Variants in PIWIL2 observed in about 807,000 individuals in gnomAD.
The protein encoded by PIWIL2 is piwi-like protein 2.
PIWIL2 carries 81 observed loss-of-function variants against 116.5 expected under a neutral mutation model. The observed-to-expected ratio is 0.70, with a 90% confidence interval of 0.58 to 0.84. The LOEUF (loss-of-function observed/expected upper bound fraction) is 0.84, where lower values mean the gene tolerates loss of function less well. Ranked by LOEUF, PIWIL2 falls within the 40% of genes least tolerant of loss-of-function variation. The probability of loss-of-function intolerance (pLI) is 0.00; values close to 1 mark genes in which losing one functional copy is unlikely to be tolerated. For synonymous variants in PIWIL2, 489 were observed against 429.5 expected (o/e 1.14, Z -1.71); for missense variants, 1,272 against 1,212.3 (o/e 1.05, Z -0.73).
intron 10 of PIWIL2, among the ~76,000 whole-genome samples, chr8:22,301,540 C>T (rs1399084524): frequency 7.2e-5 from 11 of 152,152 alleles, no homozygotes; most frequent in African/African-American, 2.2e-4. Context: ...GTGATCCCCC[C>T]GCCTCAGCCT....
chr8:22,275,542 G>C (rs957663722), intron 1 of PIWIL2, 144 bp downstream of exon 1: 1 of 152,316 alleles, frequency 6.6e-6, no homozygotes, highest in Non-Finnish European at 1.5e-5. Flanking sequence ...GAGGGTTGCG[G>C]GTCGGGCGGG....
In PIWIL2 at chr8:22,318,411, G is replaced by C. The variant is rs141070073; in HGVS notation, c.2403+136G>C. 163 of 554,260 alleles carry C rather than the reference G, an allele frequency of 2.9e-4. 1 individual carries two copies. The highest frequency in any genetic ancestry group is 2.5e-3 in the African/African-American group (130 of 52,126). 34.3% of individuals were successfully genotyped at this position (554,260 alleles called of 1,614,324 possible). On this transcript the variant is annotated intron_variant, in intron 20 of 22. Coordinates refer to ENST00000356766, the MANE Select transcript of PIWIL2 (RefSeq NM_018068.5). ...CTGTTCACTGCAACCTCTGCCTCCT[G>C]GGTTCAAGCGGTTCTCCTGCCTCAG...
At chr8:22,321,756 C>A in intron 20 of PIWIL2, 1 of 363,612 alleles carries the variant, frequency 2.8e-6, no homozygotes. Context: ...CAGAGCTTAT[C>A]CTGACTCAGC....
At chr8:22,279,962 A>G (rs567708878) in intron 2 of PIWIL2, among the ~76,000 whole-genome samples, 3 of 152,318 alleles carry the variant, frequency 2.0e-5, no homozygotes, top group Admixed American at 6.5e-5. Context: ...ATCTCAAACA[A>G]TGACAACAAA....
chr8:22,298,041 G>C (rs1830953272), intron 10 of PIWIL2, among the ~76,000 whole-genome samples: 1 of 152,134 alleles, frequency 6.6e-6, no homozygotes, highest in South Asian at 2.1e-4. Context: ...TGGATTGGTT[G>C]AGCCCAAGAG....
chr8:22,287,727 T>C (rs1440446416), intron 7 of PIWIL2, 82 bp downstream of exon 7: 1 of 890,970 alleles, frequency 1.1e-6, no homozygotes, highest in Admixed American at 1.7e-5. Context: ...TTTTAAGAGA[T>C]TGGGTCTTGC....
At position 22,355,760 on chromosome 8, in the gene PIWIL2, C is replaced by T. The variant is rs1251781491; in HGVS notation, c.*255C>T. 11 of 461,264 alleles carry T rather than the reference C, an allele frequency of 2.4e-5. No homozygotes were observed. The highest frequency in any genetic ancestry group is 3.9e-5 in the East Asian group (1 of 25,480). The allele number at this position is 461,264 out of a possible 1,614,324, so 28.6% of individuals were successfully genotyped here. Reference sequence around the variant, plus strand: ...TGGTACTGCCACTCTGCAGGTGGAGCGGGTGACTCTGGGGGACCATTAAGA... The same window carrying T: ...TGGTACTGCCACTCTGCAGGTGGAGTGGGTGACTCTGGGGGACCATTAAGA... On this transcript the variant is annotated 3_prime_UTR_variant, in exon 23 of 23. Coordinates refer to ENST00000356766, the MANE Select transcript of PIWIL2 (RefSeq NM_018068.5).
chr8:22,278,024 C>T (rs557268971), intron 1 of PIWIL2, among the ~76,000 whole-genome samples: 35 of 151,978 alleles, frequency 2.3e-4, no homozygotes, highest in Non-Finnish European at 1.6e-4. Context: ...CAAAATTAGC[C>T]GAGCATGGTG....
intron 20 of PIWIL2, among the ~76,000 whole-genome samples, chr8:22,332,697 T>C (rs1831889490): frequency 6.6e-6 from 1 of 151,974 alleles, no homozygotes; most frequent in Non-Finnish European, 1.5e-5. Flanking sequence ...TACAAAGCAC[T>C]AAAAGAAAGT....
intron 10 of PIWIL2, among the ~76,000 whole-genome samples, chr8:22,294,644 CAAAAAAAAAAAAAAAA>C (rs897494985): frequency 1.0e-4 from 3 of 29,902 alleles, no homozygotes; most frequent in Non-Finnish European, 1.3e-4. Flanking sequence ...GACTCTGTCT[CAAAAAAAAAAAAAAAA>C]AAAAAAAAGA....
At position 22,320,684 on chromosome 8, in the gene PIWIL2, G is replaced by A. The variant is rs567676802; in HGVS notation, c.2403+2409G>A. Among the ~76,000 whole-genome samples the A allele has an allele frequency of 4.0e-5, 6 of 151,856 alleles. No individual in the cohort carries two copies. The East Asian group carries it at 7.8e-4, about 20-fold the overall frequency. On this transcript the variant is annotated intron_variant, in intron 20 of 22. Coordinates refer to ENST00000356766, the MANE Select transcript of PIWIL2 (RefSeq NM_018068.5). ...GGGCTCACTGCAGCCTCCGCCTCCC[G>A]GGTTCAAGCAATTCTCCTGCCTCAG...
chr8:22,306,553 C>A (rs190141108), intron 13 of PIWIL2, among the ~76,000 whole-genome samples: 1 of 152,218 alleles, frequency 6.6e-6, no homozygotes, highest in African/African-American at 2.4e-5. Context: ...GCACCTAGCA[C>A]CTAGGTGGCG....
At chr8:22,315,170 T>G (rs1477543989) in intron 18 of PIWIL2, 25 bp downstream of exon 18, 1 of 1,268,980 alleles carries the variant, frequency 7.9e-7, no homozygotes, top group Non-Finnish European at 1.2e-6. Flanking sequence ...GATGGTTCAG[T>G]TTGCCTCTCC....
chr8:22,332,984 TTGTC>T (rs1247016261), intron 20 of PIWIL2, among the ~76,000 whole-genome samples: 1 of 151,932 alleles, frequency 6.6e-6, no homozygotes, highest in Admixed American at 6.5e-5. Flanking sequence ...GGCTATATAT[TTGTC>T]TGTGCATATA....
chr8:22,315,853 T>G (rs1313936255), intron 18 of PIWIL2, among the ~76,000 whole-genome samples: 2 of 152,220 alleles, frequency 1.3e-5, no homozygotes, highest in Non-Finnish European at 2.9e-5. Context: ...TTTAGATTTC[T>G]GGGGGTTTGG....
chr8:22,339,492 G>A (rs1016964323), intron 20 of PIWIL2, among the ~76,000 whole-genome samples: 2 of 149,286 alleles, frequency 1.3e-5, no homozygotes, highest in African/African-American at 5.2e-5. Context: ...TGGTGACAGA[G>A]TGAGACTCCA....
At chr8:22,284,383 G>T in intron 6 of PIWIL2, 111 bp downstream of exon 6, 1 of 555,872 alleles carries the variant, frequency 1.8e-6, no homozygotes, top group South Asian at 2.6e-5. Flanking sequence ...ACGTCTCAAT[G>T]CAATAATGTG....
In PIWIL2 at chr8:22,289,935, CT is replaced by C. The variant is rs943510644; in HGVS notation, c.1067+14del. The C allele has an allele frequency of 1.9e-6, 3 of 1,571,408 alleles. No individual in the cohort carries two copies. The highest frequency in any genetic ancestry group is 2.6e-6 in the Non-Finnish European group (3 of 1,141,844). ...GGTACTACAGCAACACAGGTTGGTA[CT>C]TTTTTCCCTTCCCTCACTTTTGAAT... On this transcript the variant is annotated intron_variant, in intron 9 of 22. Coordinates refer to ENST00000356766, the MANE Select transcript of PIWIL2 (RefSeq NM_018068.5).
chr8:22,297,673 TACA>T (rs1405872814), intron 10 of PIWIL2, among the ~76,000 whole-genome samples: 7 of 152,072 alleles, frequency 4.6e-5, no homozygotes, highest in Non-Finnish European at 8.8e-5. Context: ...CAACTCAGAA[TACA>T]ACAAGGAAAA....
Sources: allele counts gnomAD v4.1 joint callset (sites outside exome capture counted in the v4.1 genomes callset), GRCh38; gene constraint gnomAD v4.1.1; transcripts MANE v1.5; gene names NCBI Gene and HGNC (gene_info 2026-07-23, HGNC 2026-07-21).